EPGN: variants seen among roughly 807,000 people sequenced by gnomAD.
EPGN encodes epithelial mitogen.
Under a neutral mutation model 20.7 loss-of-function variants are expected in EPGN, and 21 were observed. The ratio of observed to expected loss-of-function variants is 1.01; its 90% CI spans 0.72 to 1.46. The LOEUF (loss-of-function observed/expected upper bound fraction) is 1.46, where lower values mean the gene tolerates loss of function less well. EPGN is among the 40% of genes most tolerant of loss of function. EPGN has a pLI of 0.00. For synonymous variants in EPGN, 69 were observed against 63.8 expected (o/e 1.08, Z -0.39); for missense variants, 199 against 180.7 (o/e 1.10, Z -0.58).
intron 4 of EPGN, chr4:74,313,417 G>A (rs1331021214): frequency 7.6e-7 from 1 of 1,319,970 alleles, no homozygotes; most frequent in African/African-American, 1.5e-5. Context: ...ACCTATCTCT[G>A]TCTGCCCATA....
chr4:74,312,176 T>C lies in EPGN; in HGVS notation c.134-9T>C, dbSNP rs1751000999. ...TTTCATTTGCTAACATTGTATCTCC[T>C]TTTCCTAGCTGACAACATAGAAGGA... On this transcript the variant is annotated splice_polypyrimidine_tract_variant and intron_variant, in intron 2 of 4. Transcript: ENST00000413830. 2 of 1,589,996 alleles carry C rather than the reference T, an allele frequency of 1.3e-6. No individual in the cohort carries two copies. Among genetic ancestry groups the C allele is most frequent in the Admixed American group, 3.7e-5 (2 of 54,310 alleles).
At chr4:74,312,946 T>G (rs1174925224) in intron 3 of EPGN, 72 bp from the exon 4 acceptor site, 4 of 1,242,954 alleles carry the variant, frequency 3.2e-6, no homozygotes, top group Non-Finnish European at 4.4e-6. Flanking sequence ...TTTTTTTAAA[T>G]TTATTGAAAC....
chr4:74,314,576 T>G lies in EPGN; in HGVS notation c.408-4T>G, dbSNP rs1375398590. ...TTCATATGGAAACCAATGCTCTGTT[T>G]CAGGTGTCTAAAATTGAAATCGCCT... On this transcript the variant is annotated splice_region_variant and splice_polypyrimidine_tract_variant and intron_variant, in intron 4 of 4. Transcript: ENST00000413830. 2 of 1,536,030 alleles carry G rather than the reference T, an allele frequency of 1.3e-6. No homozygotes were observed. Among genetic ancestry groups the G allele is most frequent in the Non-Finnish European group, 1.7e-6 (2 of 1,146,790 alleles).
chr4:74,310,403 A>G (rs1300941795), intron 2 of EPGN, among the ~76,000 whole-genome samples: 1 of 125,292 alleles, frequency 8.0e-6, no homozygotes, highest in East Asian at 2.3e-4. Context: ...TGGAGGCTGC[A>G]GTGAGCTGAG....
At chr4:74,309,851 GT>G (rs1244835713) in intron 2 of EPGN, among the ~76,000 whole-genome samples, 2 of 152,112 alleles carry the variant, frequency 1.3e-5, no homozygotes, top group Non-Finnish European at 2.9e-5. Context: ...TGACTGAGTG[GT>G]TATGATTCTT....
At position 74,313,101 on chromosome 4, in the gene EPGN, C is replaced by A. The variant is rs142205602; in HGVS notation, c.338C>A (p.Ala113Glu). The A allele has an allele frequency of 2.5e-6, 4 of 1,612,860 alleles. No individual in the cohort carries two copies. The Admixed American group carries it at 6.7e-5, about 27-fold the overall frequency. The stretch of plus-strand genomic sequence containing the variant: ...GTGGATTCTTATGAAAAATACATTG[C>A]AATTGGGATTGGTGTTGGATTACTA... ...YAVDSYEKYI[A>E]IGIGVGLLLS... is the part of the protein sequence containing the mutation. Residue 113 changes from alanine (A) to glutamate (E), a missense_variant, in exon 4 of 5, where the codon GCA becomes GAA. Physicochemically the swap from Ala to Glu is moderately radical, Grantham distance 107. Coordinates refer to ENST00000413830, the MANE Select transcript of EPGN (RefSeq NM_001270989.2).
rs1751011075 is a variant in EPGN at position 74,312,285 on chromosome 4, G to T, written c.234G>T (p.Glu78Asp). 1 of 1,610,410 alleles carries T rather than the reference G, an allele frequency of 6.2e-7. No individual in the cohort carries two copies. The highest frequency in any genetic ancestry group is 1.3e-5 in the African/African-American group (1 of 74,718). The part of the protein sequence containing the change: ...CINGACAFHH[E>D]LEKAICRCFT... ...ACGGTGCTTGTGCATTCCACCATGA[G>T]CTAGAGAAAGCCATCTGCAGGTAAA... Residue 78 changes from glutamate to aspartate, a missense_variant, in exon 3 of 5, where the codon GAG becomes GAT. Transcript: ENST00000413830.
chr4:74,308,670 C>T, intron 1 of EPGN, 94 bp downstream of exon 1: 1 of 1,051,130 alleles, frequency 9.5e-7, no homozygotes, highest in Non-Finnish European at 1.4e-6. Flanking sequence ...TGGCTTCTAA[C>T]AGTTGTTCTT....
chr4:74,308,706 C>A (rs1750694463), intron 1 of EPGN, 130 bp downstream of exon 1: 2 of 734,714 alleles, frequency 2.7e-6, no homozygotes, highest in East Asian at 2.7e-5. Flanking sequence ...AGTAATGAAT[C>A]TGTGGATTAA....
intron 4 of EPGN, chr4:74,313,459 C>G (rs962842620): frequency 1.9e-5 from 24 of 1,261,480 alleles, no homozygotes; most frequent in Non-Finnish European, 2.4e-5. Flanking sequence ...ACAGCAGGCC[C>G]CAAGAAAGTA....
At chr4:74,314,531 C>T (rs1751171520) in intron 4 of EPGN, 49 bp from the exon 5 acceptor site, 1 of 1,517,318 alleles carries the variant, frequency 6.6e-7, no homozygotes, top group Non-Finnish European at 8.8e-7. Flanking sequence ...CTTCAATGAC[C>T]TATATGAACC....
At position 74,308,576 on chromosome 4, in the gene EPGN, G is replaced by A. The variant is rs781434693; in HGVS notation, c.43G>A (p.Ala15Thr). 55 of 1,608,038 alleles carry A rather than the reference G, an allele frequency of 3.4e-5. No individual in the cohort carries two copies. The highest frequency in any genetic ancestry group is 6.7e-5 in the South Asian group (6 of 90,056). ...VPISVYLLFNAMTALTEEAAV... is the reference protein window; with the variant it reads ...VPISVYLLFNTMTALTEEAAV... ...AATATCAGTCTATCTTTTATTCAACGGTAGGTAATTTCCTTTTGTTTTGTT... is the reference window on the plus strand; with the variant it reads ...AATATCAGTCTATCTTTTATTCAACAGTAGGTAATTTCCTTTTGTTTTGTT... Residue 15 changes from alanine to threonine, a missense_variant and splice_region_variant, in exon 1 of 5, where the codon GCA (alanine) becomes ACA (threonine). Coordinates refer to ENST00000413830, the MANE Select transcript of EPGN (RefSeq NM_001270989.2).
chr4:74,314,737 C>A lies in EPGN; in HGVS notation c.*100C>A. On this transcript the variant is annotated 3_prime_UTR_variant, in exon 5 of 5. Transcript: ENST00000413830. ...AACAAAACTTGTCAAGCTGACTAGA[C>A]TCGAAAATAATGAAAGTTGGGATCA... is the stretch of plus-strand genomic sequence containing the variant. 2.8e-6 allele frequency: 3 copies of A among 1,061,288 alleles called. No individual in the cohort carries two copies. The highest frequency in any genetic ancestry group is 4.1e-6 in the Non-Finnish European group (3 of 735,376). The allele number at this position is 1,061,288 out of a possible 1,614,324, so 65.7% of individuals were successfully genotyped here. A position where few individuals can be genotyped will look rare whatever the true frequency, so the allele number is the denominator to read the frequency against.
At chr4:74,312,615 A>C (rs1202889095) in intron 3 of EPGN, among the ~76,000 whole-genome samples, 1 of 152,186 alleles carries the variant, frequency 6.6e-6, no homozygotes, top group Non-Finnish European at 1.5e-5. Context: ...ACAACATGCA[A>C]AGGTGATTTT....
chr4:74,309,323 A>G (rs1750742333), intron 2 of EPGN, 141 bp downstream of exon 2: 2 of 594,768 alleles, frequency 3.4e-6, no homozygotes, highest in Admixed American at 7.0e-5. Flanking sequence ...GGATGCTGTT[A>G]AATTGAAGTG....
rs535741346 is a variant in EPGN at position 74,310,914 on chromosome 4, T to C, written c.134-1271T>C. Reference sequence around the variant, plus strand: ...CAGTACATGTTATGTACAGATGCTTTTTTTTCAAATATTTTCCCTATGAGG... The same window carrying C: ...CAGTACATGTTATGTACAGATGCTTCTTTTTCAAATATTTTCCCTATGAGG... On this transcript the variant is annotated intron_variant, in intron 2 of 4. Transcript: ENST00000413830. Among the ~76,000 whole-genome samples, 4 of 152,354 alleles carry C rather than the reference T, an allele frequency of 2.6e-5. No individual in the cohort carries two copies. The South Asian group carries it at 8.3e-4, about 32-fold the overall frequency.
chr4:74,313,963 C>T (rs1751134499), intron 4 of EPGN, among the ~76,000 whole-genome samples: 2 of 151,954 alleles, frequency 1.3e-5, no homozygotes, highest in South Asian at 2.1e-4. Context: ...TGTAGATTTG[C>T]CTAAGAGACC....
chr4:74,314,106 G>A (rs1176690948), intron 4 of EPGN: 3 of 456,168 alleles, frequency 6.6e-6, no homozygotes, highest in Admixed American at 2.4e-5. Flanking sequence ...ATTAGTTGAG[G>A]GAGTACTCTA....
At chr4:74,313,666 T>C in intron 4 of EPGN, 1 of 956,564 alleles carries the variant, frequency 1.0e-6, no homozygotes, top group South Asian at 4.8e-5. Context: ...TACTGTCTCC[T>C]GCTAAAAACC....
Sources: allele counts gnomAD v4.1 joint callset (sites outside exome capture counted in the v4.1 genomes callset), GRCh38; gene constraint gnomAD v4.1.1; transcripts MANE v1.5; gene names NCBI Gene and HGNC (gene_info 2026-07-23, HGNC 2026-07-21).